EXOC4: variants seen among roughly 807,000 people sequenced by gnomAD.
The protein encoded by EXOC4 is exocyst complex component 4.
Under a neutral mutation model 107.2 loss-of-function variants are expected in EXOC4, and 71 were observed. The ratio of observed to expected loss-of-function variants is 0.66; its 90% CI spans 0.55 to 0.81. The LOEUF (loss-of-function observed/expected upper bound fraction) is 0.81, where lower values mean the gene tolerates loss of function less well. Among genes scored for constraint, EXOC4 ranks in the 30% least tolerant of loss-of-function variants. The probability of loss-of-function intolerance (pLI) is 0.00; values close to 1 mark genes in which losing one functional copy is unlikely to be tolerated. For synonymous variants in EXOC4, 456 were observed against 441.2 expected (o/e 1.03, Z -0.42); for missense variants, 1,108 against 1,189.6 (o/e 0.93, Z 1.01).
chr7:133,374,974 T>C lies in EXOC4; in HGVS notation c.1154T>C (p.Val385Ala). 6.2e-7 allele frequency: 1 copy of C among 1,613,864 alleles called. No individual in the cohort carries two copies. Among genetic ancestry groups the C allele is most frequent in the Non-Finnish European group, 8.5e-7 (1 of 1,179,938 alleles). Reference sequence around the variant, plus strand: ...ATCAAACTGTATGATATGGCAGATGTATGGGTGAAGATCCAAGATGTTCTA... The same window carrying C: ...ATCAAACTGTATGATATGGCAGATGCATGGGTGAAGATCCAAGATGTTCTA... The part of the protein sequence containing the change: ...EDIKLYDMAD[V>A]WVKIQDVLQM... The change falls in exon 7 of 18, where the codon GTA becomes GCA. Residue 385 changes from valine to alanine, a missense_variant. Coordinates refer to ENST00000253861, the MANE Select transcript of EXOC4 (RefSeq NM_021807.4).
chr7:133,524,774 G>A (rs1800048772), intron 9 of EXOC4, among the ~76,000 whole-genome samples: 1 of 152,038 alleles, frequency 6.6e-6, no homozygotes, highest in South Asian at 2.1e-4. Context: ...ATTTCTGAGG[G>A]CTCTGTTCTG....
intron 10 of EXOC4, among the ~76,000 whole-genome samples, chr7:133,662,930 A>T (rs916904095): frequency 4.6e-5 from 7 of 152,168 alleles, no homozygotes; most frequent in African/African-American, 1.4e-4. Flanking sequence ...CTTCGTTTTT[A>T]TAAGTATGTA....
intron 17 of EXOC4, among the ~76,000 whole-genome samples, chr7:134,054,103 G>C (rs937970939): frequency 1.3e-5 from 2 of 152,022 alleles, no homozygotes; most frequent in African/African-American, 4.8e-5. Flanking sequence ...GCACTACCAC[G>C]CCCAGCCAAT....
At chr7:133,946,593 A>G (rs1217477904) in intron 14 of EXOC4, among the ~76,000 whole-genome samples, 2 of 152,240 alleles carry the variant, frequency 1.3e-5, no homozygotes, top group Non-Finnish European at 2.9e-5. Context: ...AACTTATCAT[A>G]ATGAAGAAAG....
At chr7:133,827,237 A>C (rs1239388877) in intron 11 of EXOC4, among the ~76,000 whole-genome samples, 12 of 152,246 alleles carry the variant, frequency 7.9e-5, no homozygotes, top group Non-Finnish European at 1.2e-4. Context: ...CTGTTGATGA[A>C]GAAGGCTGTG....
intron 14 of EXOC4, among the ~76,000 whole-genome samples, chr7:133,977,601 C>T (rs1793868723): frequency 6.6e-6 from 1 of 152,098 alleles, no homozygotes; most frequent in African/African-American, 2.4e-5. Context: ...TTTGCTGTGA[C>T]CAAATCTTTC....
rs555823737 is a variant in EXOC4 at position 133,595,020 on chromosome 7, G to T, written c.1418-35025G>T. Among the ~76,000 whole-genome samples the T allele has an allele frequency of 3.3e-5, 5 of 152,254 alleles. No individual in the cohort carries two copies. In the East Asian group the frequency reaches 9.7e-4, roughly 29 times the overall value. ...TGAGCAGGAACTGAAGGAAGTCAAA[G>T]AACCATGCAAATATAGAGGCAGGGG... On this transcript the variant is annotated intron_variant, in intron 9 of 17. Transcript: ENST00000253861.
chr7:133,314,742 TATTCCAGCTATATA>T (rs1447174701), intron 4 of EXOC4, among the ~76,000 whole-genome samples: 1 of 152,206 alleles, frequency 6.6e-6, no homozygotes, highest in Non-Finnish European at 1.5e-5. Flanking sequence ...TGGCAGGCAG[TATTCCAGCTATATA>T]ATTGAATTTT....
At chr7:134,021,242 GTTGA>G (rs1030665776) in intron 17 of EXOC4, among the ~76,000 whole-genome samples, 1 of 152,202 alleles carries the variant, frequency 6.6e-6, no homozygotes, top group African/African-American at 2.4e-5. Flanking sequence ...TTTAATATTT[GTTGA>G]TTGGACAAAC....
chr7:133,586,787 G>C (rs1431515205), intron 9 of EXOC4, among the ~76,000 whole-genome samples: 1 of 152,036 alleles, frequency 6.6e-6, no homozygotes, highest in Non-Finnish European at 1.5e-5. Context: ...TCTGTCAGCT[G>C]TGCCCTCACC....
chr7:133,289,942 C>T (rs755282803), intron 3 of EXOC4, among the ~76,000 whole-genome samples: 3 of 152,136 alleles, frequency 2.0e-5, no homozygotes, highest in Non-Finnish European at 4.4e-5. Flanking sequence ...AGTCCTTTAC[C>T]TTTGTTTCAC....
At position 133,823,894 on chromosome 7, in the gene EXOC4, T is replaced by TA. The variant is rs1563015082; in HGVS notation, c.1734+6350_1734+6351insA. On this transcript the variant is annotated intron_variant, in intron 11 of 17. Transcript: ENST00000253861. Reference sequence around the variant, plus strand: ...ATATTATATATATATATATATATATTTTATATATATATATATAAATATATA... The same window carrying TA: ...ATATTATATATATATATATATATATTATTATATATATATATATAAATATATA... 5.1e-4 allele frequency among the ~76,000 whole-genome samples: 9 copies of TA among 17,668 alleles called. No individual in the cohort carries two copies. In the African/African-American group the frequency reaches 6.3e-3, roughly 12 times the overall value. 11.6% of individuals were successfully genotyped at this position (17,668 alleles called of 152,430 possible). A position where few individuals can be genotyped will look rare whatever the true frequency, so the allele number is the denominator to read the frequency against.
At chr7:133,330,937 A>T (rs575491869) in intron 5 of EXOC4, among the ~76,000 whole-genome samples, 1 of 150,396 alleles carries the variant, frequency 6.6e-6, no homozygotes, top group Non-Finnish European at 1.5e-5. Flanking sequence ...TTTCTGTGAG[A>T]GGTTTTTTTT....
At chr7:133,540,072 TTG>T (rs1800349849) in intron 9 of EXOC4, among the ~76,000 whole-genome samples, 1 of 152,180 alleles carries the variant, frequency 6.6e-6, no homozygotes, top group South Asian at 2.1e-4. Context: ...AGTTCGCTAT[TTG>T]CTGGTAGTAG....
chr7:133,467,776 T>A lies in EXOC4; in HGVS notation c.1183-7552T>A, dbSNP rs1055288253. Among the ~76,000 whole-genome samples the A allele has an allele frequency of 3.3e-5, 5 of 152,030 alleles. No individual in the cohort carries two copies. In the East Asian group the frequency reaches 9.6e-4, roughly 29 times the overall value. On this transcript the variant is annotated intron_variant, in intron 7 of 17. Coordinates refer to ENST00000253861, the MANE Select transcript of EXOC4 (RefSeq NM_021807.4). ...TTTTTTTTTGTTTGTTTGTTTGTTT[T>A]CACACATTCTAAGATTCAATTTATG...
At chr7:133,883,833 GCCTTTTGCAAGTCATCTTAGTAAAAAC>G (rs750913413) in intron 11 of EXOC4, among the ~76,000 whole-genome samples, 7 of 152,148 alleles carry the variant, frequency 4.6e-5, no homozygotes, top group Non-Finnish European at 1.0e-4. Flanking sequence ...TGGATGTATA[GCCTTTTGCAAGTCATCTTAGTAAAAAC>G]AGGACACATT....
intron 14 of EXOC4, among the ~76,000 whole-genome samples, chr7:133,948,906 CAG>C (rs1360867165): frequency 1.3e-5 from 2 of 152,184 alleles, no homozygotes; most frequent in Non-Finnish European, 2.9e-5. Flanking sequence ...TTACGAGTGA[CAG>C]AGTTACAAGC....
intron 10 of EXOC4, among the ~76,000 whole-genome samples, chr7:133,696,254 C>G (rs543031703): frequency 5.9e-5 from 9 of 152,164 alleles, no homozygotes; most frequent in Non-Finnish European, 1.2e-4. Flanking sequence ...GTTGTCAATG[C>G]AGAGATAGGC....
intron 14 of EXOC4, among the ~76,000 whole-genome samples, chr7:133,994,832 G>T (rs1794350929): frequency 6.6e-6 from 1 of 152,028 alleles, no homozygotes; most frequent in South Asian, 2.1e-4. Context: ...CAAGCAGATT[G>T]TGTTAGCATT....
Sources: allele counts gnomAD v4.1 joint callset (sites outside exome capture counted in the v4.1 genomes callset), GRCh38; gene constraint gnomAD v4.1.1; transcripts MANE v1.5; gene names NCBI Gene and HGNC (gene_info 2026-07-23, HGNC 2026-07-21).